GXYLT2: variants seen among roughly 807,000 people sequenced by gnomAD.
GXYLT2 encodes the protein glycosyltransferase 8 domain containing 4.
Under a neutral mutation model 45.8 loss-of-function variants are expected in GXYLT2, and 53 were observed. That is an observed-to-expected ratio of 1.16 (90% CI 0.93 to 1.46). GXYLT2 has a LOEUF of 1.46. GXYLT2 is among the 40% of genes most tolerant of loss of function. The pLI, the probability that GXYLT2 is intolerant of heterozygous loss-of-function variation, is 0.00. For synonymous variants in GXYLT2, 219 were observed against 214.2 expected (o/e 1.02, Z -0.19); for missense variants, 551 against 544.4 (o/e 1.01, Z -0.12).
chr3:72,933,562 T>G (rs1025483657), intron 3 of GXYLT2, among the ~76,000 whole-genome samples: 24 of 152,122 alleles, frequency 1.6e-4, no homozygotes, highest in African/African-American at 5.6e-4. Context: ...GAAAAATAAA[T>G]GAACGTGATC....
chr3:72,974,233 C>T (rs1464262914), intron 6 of GXYLT2, among the ~76,000 whole-genome samples: 4 of 152,098 alleles, frequency 2.6e-5, no homozygotes, highest in Non-Finnish European at 4.4e-5. Context: ...TGCTCATAGA[C>T]GTATTCCATG....
At chr3:72,901,250 C>G (rs1709399169) in intron 1 of GXYLT2, among the ~76,000 whole-genome samples, 1 of 147,780 alleles carries the variant, frequency 6.8e-6, no homozygotes, top group South Asian at 2.1e-4. Flanking sequence ...GATCATGCCA[C>G]TGTACTCCAG....
intron 5 of GXYLT2, among the ~76,000 whole-genome samples, chr3:72,964,526 TTGGCCAGGC>T (rs1272543929): frequency 6.6e-6 from 1 of 152,004 alleles, no homozygotes; most frequent in Non-Finnish European, 1.5e-5. Flanking sequence ...TTTCACCATG[TTGGCCAGGC>T]TGGTCTCGAA....
chr3:72,912,013 A>ATATT (rs1156864738), intron 2 of GXYLT2, among the ~76,000 whole-genome samples: 65 of 114,886 alleles, frequency 5.7e-4, no homozygotes, highest in African/African-American at 7.6e-4. Context: ...ATATATATAT[A>ATATT]TTTTTTTTTT....
intron 3 of GXYLT2, among the ~76,000 whole-genome samples, chr3:72,950,698 G>A (rs1710505741): frequency 6.6e-6 from 1 of 152,022 alleles, no homozygotes; most frequent in South Asian, 2.1e-4. Context: ...GAATTTGAAC[G>A]TAGGTTGCCA....
At chr3:72,960,559 TTCTGC>T (rs1559750496) in intron 5 of GXYLT2, among the ~76,000 whole-genome samples, 1 of 152,212 alleles carries the variant, frequency 6.6e-6, no homozygotes, top group Non-Finnish European at 1.5e-5. Flanking sequence ...TAAATCCTGG[TTCTGC>T]ACAGTATCAA....
chr3:72,914,499 G>A (rs989000155), intron 2 of GXYLT2, among the ~76,000 whole-genome samples: 4 of 150,988 alleles, frequency 2.6e-5, no homozygotes, highest in Non-Finnish European at 4.4e-5. Flanking sequence ...ATATATGTAT[G>A]TTTTTATATA....
At chr3:72,918,698 G>A (rs1242360811) in intron 2 of GXYLT2, among the ~76,000 whole-genome samples, 3 of 151,958 alleles carry the variant, frequency 2.0e-5, no homozygotes, top group East Asian at 1.9e-4. Flanking sequence ...ATAGTAGTGC[G>A]CGTCTACTCG....
At chr3:72,905,163 G>C (rs1240438423) in intron 1 of GXYLT2, among the ~76,000 whole-genome samples, 1 of 151,634 alleles carries the variant, frequency 6.6e-6, no homozygotes, top group Middle Eastern at 3.2e-3. Flanking sequence ...TCTCACCCAG[G>C]CTGGAGTGCA....
At chr3:72,898,338 C>G (rs895893515) in intron 1 of GXYLT2, among the ~76,000 whole-genome samples, 3 of 152,306 alleles carry the variant, frequency 2.0e-5, no homozygotes, top group African/African-American at 7.2e-5. Flanking sequence ...TAATCCTCAT[C>G]TAATTCTTCT....
chr3:72,967,855 C>CGCTCTG, intron 6 of GXYLT2, 136 bp downstream of exon 6: 2 of 672,604 alleles, frequency 3.0e-6, no homozygotes, highest in Non-Finnish European at 5.2e-6. Context: ...ACCTCAGTCA[C>CGCTCTG]GCTCTGTCAC....
chr3:72,926,720 G>A (rs550051215), intron 3 of GXYLT2, among the ~76,000 whole-genome samples: 1 of 152,194 alleles, frequency 6.6e-6, no homozygotes, highest in Non-Finnish European at 1.5e-5. Context: ...TGGTCTTCTG[G>A]GAATCCTAGA....
In GXYLT2 at chr3:72,975,090, T is replaced by A. The variant is rs2107164310; in HGVS notation, c.1263T>A (p.Ile421=). The A allele has an allele frequency of 6.2e-7, 1 of 1,613,728 alleles. No individual in the cohort carries two copies. Among genetic ancestry groups the A allele is most frequent in the South Asian group, 1.1e-5 (1 of 91,074 alleles). The change falls in exon 7 of 7, where the codon ATT becomes ATA. Residue 421 remains isoleucine, a synonymous_variant. Coordinates refer to ENST00000389617, the MANE Select transcript of GXYLT2 (RefSeq NM_001080393.2). The part of the protein sequence containing the change: ...GRIPQVFLKQ[I]EKTMKRAYEK... ...TCCCGCAAGTTTTTCTGAAGCAAATTGAGAAAACAATGAAAAGGGCTTATG... is the reference window on the plus strand; with the variant it reads ...TCCCGCAAGTTTTTCTGAAGCAAATAGAGAAAACAATGAAAAGGGCTTATG...
intron 1 of GXYLT2, among the ~76,000 whole-genome samples, chr3:72,890,983 A>G (rs1341650272): frequency 3.3e-5 from 5 of 152,106 alleles, no homozygotes; most frequent in East Asian, 1.9e-4. Flanking sequence ...TTCTCTTGCT[A>G]CCTCCACAGA....
At chr3:72,952,118 T>A (rs1710540577) in intron 3 of GXYLT2, among the ~76,000 whole-genome samples, 1 of 151,662 alleles carries the variant, frequency 6.6e-6, no homozygotes, top group Non-Finnish European at 1.5e-5. Context: ...TTCTTGTACC[T>A]CAGCCTCTCG....
At chr3:72,940,219 A>G (rs12714790) in intron 3 of GXYLT2, among the ~76,000 whole-genome samples, 2,450 of 152,318 alleles carry the variant, frequency 0.016, 54 homozygotes, top group African/African-American at 0.056. Context: ...ATAAACATTT[A>G]CACATACAAC....
At chr3:72,919,239 C>T (rs955436396) in intron 2 of GXYLT2, among the ~76,000 whole-genome samples, 3 of 152,166 alleles carry the variant, frequency 2.0e-5, no homozygotes, top group Non-Finnish European at 2.9e-5. Flanking sequence ...CCAAGATATC[C>T]TTCAGTAGGT....
chr3:72,913,333 C>T (rs901304940), intron 2 of GXYLT2, among the ~76,000 whole-genome samples: 4 of 151,686 alleles, frequency 2.6e-5, no homozygotes, highest in African/African-American at 7.3e-5. Context: ...CCACCGCGCC[C>T]GGCCTCCTCA....
At chr3:72,929,697 C>G in intron 3 of GXYLT2, 1 of 622,730 alleles carries the variant, frequency 1.6e-6, no homozygotes, top group Non-Finnish European at 2.9e-6. Flanking sequence ...TAAGTTGCAC[C>G]ACAACATCCA....
Sources: allele counts gnomAD v4.1 joint callset (sites outside exome capture counted in the v4.1 genomes callset), GRCh38; gene constraint gnomAD v4.1.1; transcripts MANE v1.5; gene names NCBI Gene and HGNC (gene_info 2026-07-23, HGNC 2026-07-21).